Variants in C14orf39 observed in about 807,000 individuals in gnomAD.
The protein encoded by C14orf39 is protein SIX6OS1.
C14orf39 carries 66 observed loss-of-function variants against 85.6 expected under a neutral mutation model. The observed-to-expected ratio is 0.77, with a 90% confidence interval of 0.63 to 0.95. The LOEUF (loss-of-function observed/expected upper bound fraction) is 0.95. Ranked by LOEUF, C14orf39 falls within the 40% of genes least tolerant of loss-of-function variation. C14orf39 has a pLI of 0.00. For synonymous variants in C14orf39, 242 were observed against 214.0 expected (o/e 1.13, Z -1.14); for missense variants, 735 against 663.9 (o/e 1.11, Z -1.18).
intron 2 of C14orf39, chr14:60,495,092 T>C (rs1893049700): frequency 4.1e-6 from 1 of 245,714 alleles, no homozygotes; most frequent in Non-Finnish European, 8.4e-6. Flanking sequence ...AGGTGTGTCT[T>C]CAAGTTGCCT....
At chr14:60,471,053 T>G (rs1287256948) in intron 7 of C14orf39, among the ~76,000 whole-genome samples, 1 of 151,888 alleles carries the variant, frequency 6.6e-6, no homozygotes, top group African/African-American at 2.4e-5. Context: ...AGGTTTCCAG[T>G]GATGAATGAA....
intron 5 of C14orf39, among the ~76,000 whole-genome samples, chr14:60,474,798 T>C (rs1306000056): frequency 6.6e-6 from 1 of 152,112 alleles, no homozygotes. Flanking sequence ...CTGGATTCGG[T>C]TTGCCAGTAT....
rs1156980638 is a variant in C14orf39 at position 60,461,395 on chromosome 14, T to G, written c.1076A>C (p.Lys359Thr). Residue 359 changes from lysine (K) to threonine (T), a missense_variant, in exon 13 of 18, where the codon AAA becomes ACA. By Grantham distance (78) the Lys-to-Thr change is moderately conservative. Transcript: ENST00000321731. ...CGACCACTGATTGGAATTTGATTGTTTCTGTGGGGTTAACAATCTAAAATG... is the reference window on the plus strand; with the variant it reads ...CGACCACTGATTGGAATTTGATTGTGTCTGTGGGGTTAACAATCTAAAATG... ...FMQVRLLTPQKQSNSNQWSEK... is the reference protein window; with the variant it reads ...FMQVRLLTPQTQSNSNQWSEK... 6.2e-7 allele frequency: 1 copy of G among 1,610,200 alleles called. No homozygotes were observed. The highest frequency in any genetic ancestry group is 1.1e-5 in the South Asian group (1 of 90,528).
rs1892747140 is a variant in C14orf39, at chr14:60,483,712, T to G, written c.212A>C (p.Glu71Ala). 1 of 1,593,934 alleles carries G rather than the reference T, an allele frequency of 6.3e-7. No individual in the cohort carries two copies. Among genetic ancestry groups the G allele is most frequent in the African/African-American group, 1.3e-5 (1 of 74,096 alleles). ...TCACTTTCTACAGTTGTCTTTAATC[T>G]CCTCACTATGTTTACAGTAATGATC... ...EIDHYCKHSE[E>A]IKDNCRNWKP... Residue 71 changes from glutamate (E) to alanine (A), a missense_variant, in exon 4 of 18, where the codon GAG (glutamate) becomes GCG (alanine). Glu to Ala is a moderately radical substitution (Grantham distance 107). Coordinates refer to ENST00000321731, the MANE Select transcript of C14orf39 (RefSeq NM_174978.3).
rs544790283 is a variant in C14orf39 at position 60,505,878 on chromosome 14, T to C, written c.-143-6448A>G. Among the ~76,000 whole-genome samples, 11 of 152,260 alleles carry C rather than the reference T, an allele frequency of 7.2e-5. 1 individual carries two copies. In the South Asian group the frequency reaches 2.1e-3, roughly 29 times the overall value. ...CCAGGATTCCACCTGTCCTCTACTC[T>C]AGAGAGGAAAATCAGTAGGGGCAGA... On this transcript the variant is annotated intron_variant, in intron 1 of 5. Coordinates refer to the C14orf39 transcript ENST00000556799.
rs756091318 is a variant in C14orf39, at chr14:60,436,796, C to T, written c.*49G>A. 6 of 1,235,826 alleles carry T rather than the reference C, an allele frequency of 4.9e-6. No homozygotes were observed. The highest frequency in any genetic ancestry group is 6.9e-6 in the Non-Finnish European group (6 of 866,822). The allele number at this position is 1,235,826 out of a possible 1,614,324, so 76.6% of individuals were successfully genotyped here. On this transcript the variant is annotated 3_prime_UTR_variant, in exon 18 of 18. Coordinates refer to ENST00000321731, the MANE Select transcript of C14orf39 (RefSeq NM_174978.3). Reference sequence around the variant, plus strand: ...TTTTAAGCAATAATGTAAATTTATGCCCTCATGAACACAGAACAGTAAAAT... The same window carrying T: ...TTTTAAGCAATAATGTAAATTTATGTCCTCATGAACACAGAACAGTAAAAT...
At chr14:60,452,173 A>C (rs1322694514) in intron 16 of C14orf39, among the ~76,000 whole-genome samples, 1 of 151,862 alleles carries the variant, frequency 6.6e-6, no homozygotes, top group African/African-American at 2.4e-5. Flanking sequence ...TCTCAAAAAA[A>C]AAAAAAAAAA....
chr14:60,475,361 C>T (rs1171904427), intron 5 of C14orf39, among the ~76,000 whole-genome samples: 2 of 151,680 alleles, frequency 1.3e-5, no homozygotes, highest in Admixed American at 6.6e-5. Flanking sequence ...CACAAAAAAC[C>T]GTTCAAATAA....
In C14orf39 at chr14:60,467,426, C is replaced by T. The variant is rs183900851; in HGVS notation, c.768-382G>A. On this transcript the variant is annotated intron_variant, in intron 9 of 17. Transcript: ENST00000321731. ...ACATATTCAGAAATAAATCAACCAACATGAATACAGAAATTGTTAAAACAG... is the reference window on the plus strand; with the variant it reads ...ACATATTCAGAAATAAATCAACCAATATGAATACAGAAATTGTTAAAACAG... 2.6e-5 allele frequency among the ~76,000 whole-genome samples: 4 copies of T among 151,952 alleles called. No individual in the cohort carries two copies. In the East Asian group the frequency reaches 7.7e-4, roughly 29 times the overall value.
chr14:60,510,510 T>C (rs1041612701), intron 1 of C14orf39, among the ~76,000 whole-genome samples: 1 of 152,252 alleles, frequency 6.6e-6, no homozygotes, highest in Admixed American at 6.5e-5. Context: ...AACAGCAAAC[T>C]AGTCCGTGGG....
intron 1 of C14orf39, chr14:60,510,960 T>C: frequency 1.6e-5 from 16 of 1,009,288 alleles, no homozygotes; most frequent in Non-Finnish European, 2.2e-5. Flanking sequence ...AATCCTCGCC[T>C]TAACTGCTGG....
At chr14:60,471,238 T>C (rs1892060428) in intron 7 of C14orf39, among the ~76,000 whole-genome samples, 179 bp downstream of exon 7, 1 of 152,032 alleles carries the variant, frequency 6.6e-6, no homozygotes, top group Admixed American at 6.6e-5. Context: ...TGCTTGCTTC[T>C]GATCACATGA....
At chr14:60,457,371 GA>G (rs1004170646) in intron 14 of C14orf39, among the ~76,000 whole-genome samples, 60 of 151,246 alleles carry the variant, frequency 4.0e-4, no homozygotes, top group African/African-American at 1.4e-3. Context: ...TGGAATTGAT[GA>G]AAAAAAAGAC....
At position 60,515,158 on chromosome 14, in the gene C14orf39, G is replaced by A. The variant is rs559286906; in HGVS notation, c.-144+237C>T. ...TACCCCCGTGCCCGGCGCCGCCGAC[G>A]GGAAGGCAGCGGCGGGGAGGCCCCC... On this transcript the variant is annotated intron_variant, in intron 1 of 5. Coordinates refer to the C14orf39 transcript ENST00000556799. The surrounding 1 kb of genome is among the most constrained non-coding windows in gnomAD (Gnocchi z 6.2). The A allele has an allele frequency of 6.6e-6, 1 of 152,032 alleles. No individual in the cohort carries two copies. The highest frequency in any genetic ancestry group is 1.5e-5 in the Non-Finnish European group (1 of 67,988). 9.4% of individuals were successfully genotyped at this position (152,032 alleles called of 1,614,324 possible). A position where few individuals can be genotyped will look rare whatever the true frequency, so the allele number is the denominator to read the frequency against.
At chr14:60,467,886 G>A (rs1234090769) in intron 9 of C14orf39, among the ~76,000 whole-genome samples, 1 of 151,522 alleles carries the variant, frequency 6.6e-6, no homozygotes, top group Non-Finnish European at 1.5e-5. Flanking sequence ...GTCAGAAATA[G>A]CAATAGTAAT....
rs1892086092 is a variant in C14orf39 at position 60,471,643 on chromosome 14, C to T, written c.420G>A (p.Glu140=). Residue 140 remains glutamate, a synonymous_variant, in exon 6 of 18, where the codon GAG becomes GAA. Coordinates refer to ENST00000321731, the MANE Select transcript of C14orf39 (RefSeq NM_174978.3). ...GAATTTCTTCATGTTCTCTTTTCTT[C>T]TCATAATATTCACGTGAAAAGGGTG... is the stretch of plus-strand genomic sequence containing the variant. ...SETPFSREYY[E]KKREHEEIQS... is the part of the protein sequence containing the mutation. The T allele has an allele frequency of 2.5e-6, 4 of 1,610,726 alleles. No homozygotes were observed. Among genetic ancestry groups the T allele is most frequent in the East Asian group, 4.5e-5 (2 of 44,706 alleles).
At position 60,468,455 on chromosome 14, in the gene C14orf39, G is replaced by C. The variant is rs760642826; in HGVS notation, c.757C>G (p.Leu253Val). ...AAAGGTTACCTATACCTTTCTTTCA[G>C]TTCTTTTCTGTTTTCTGTATTTTTG... The part of the protein sequence containing the change: ...KNKNTENRKE[L>V]KERIFGKDEH... The change falls in exon 9 of 18, where the codon CTG (leucine) becomes GTG (valine). Residue 253 changes from leucine (L) to valine (V), a missense_variant. Transcript: ENST00000321731. 3 of 1,577,020 alleles carry C rather than the reference G, an allele frequency of 1.9e-6. No homozygotes were observed. Among genetic ancestry groups the C allele is most frequent in the Non-Finnish European group, 2.6e-6 (3 of 1,158,454 alleles).
rs1301792422 is a variant in C14orf39 at position 60,510,030 on chromosome 14, C to G, written c.-144+5365G>C. On this transcript the variant is annotated intron_variant, in intron 1 of 5. Transcript: ENST00000556799. ...CCGGGGAGGAGGCGGGTGGAGGCAC[C>G]TCTGGCGCCCTTACCCAGTCCCTGG... 5.6e-6 allele frequency: 8 copies of G among 1,434,494 alleles called. No individual in the cohort carries two copies. In the African/African-American group the frequency reaches 9.9e-5, roughly 18 times the overall value. 88.9% of individuals were successfully genotyped at this position (1,434,494 alleles called of 1,614,324 possible). A position where few individuals can be genotyped will look rare whatever the true frequency, so the allele number is the denominator to read the frequency against.
At chr14:60,482,906 G>GTGTGTGTGTGTA (rs1892705767) in intron 4 of C14orf39, among the ~76,000 whole-genome samples, 1 of 151,222 alleles carries the variant, frequency 6.6e-6, no homozygotes, top group Non-Finnish European at 1.5e-5. Flanking sequence ...GTGTGTGTGT[G>GTGTGTGTGTGTA]TGTGGTGTGC....
Sources: allele counts gnomAD v4.1 joint callset (sites outside exome capture counted in the v4.1 genomes callset), GRCh38; gene constraint gnomAD v4.1.1; non-coding constraint Gnocchi (gnomAD v3.1); transcripts MANE v1.5; gene names NCBI Gene and HGNC (gene_info 2026-07-23, HGNC 2026-07-21).